Variants in CD109 observed in about 807,000 individuals in gnomAD.
CD109 encodes CD109 antigen.
Under a neutral mutation model 165.8 loss-of-function variants are expected in CD109, and 149 were observed. The ratio of observed to expected loss-of-function variants is 0.90; its 90% CI spans 0.79 to 1.03. CD109 has a LOEUF of 1.03. Among genes scored for constraint, CD109 ranks in the 50% least tolerant of loss-of-function variants. The probability of loss-of-function intolerance (pLI) is 0.00; values close to 1 mark genes in which losing one functional copy is unlikely to be tolerated. For synonymous variants in CD109, 585 were observed against 592.1 expected, an observed-to-expected ratio of 0.99 and a Z score of 0.18; for missense variants, 1,712 against 1,677.8, an observed-to-expected ratio of 1.02 and a Z score of -0.36.
chr6:73,711,010 C>T (rs1771518372), intron 2 of CD109, among the ~76,000 whole-genome samples: 1 of 152,150 alleles, frequency 6.6e-6, no homozygotes, highest in South Asian at 2.1e-4. Context: ...GATATTCCCC[C>T]CAGCTATTTA....
intron 32 of CD109, among the ~76,000 whole-genome samples, chr6:73,821,972 T>C (rs184568562): frequency 3.9e-5 from 6 of 152,360 alleles, no homozygotes; most frequent in African/African-American, 1.2e-4. Flanking sequence ...GCTGTTTCTT[T>C]ATTGAGGGAG....
chr6:73,806,592 G>C (rs1775575375), intron 24 of CD109, among the ~76,000 whole-genome samples: 2 of 152,176 alleles, frequency 1.3e-5, no homozygotes, highest in Non-Finnish European at 2.9e-5. Context: ...TCAAATCTGA[G>C]ATTTTTGAGT....
intron 23 of CD109, among the ~76,000 whole-genome samples, chr6:73,800,732 A>T (rs1485332938): frequency 6.6e-6 from 1 of 152,102 alleles, no homozygotes; most frequent in African/African-American, 2.4e-5. Context: ...TTTGTGACTT[A>T]TCTGTTTTGC....
chr6:73,788,688 T>C (rs1774795232), intron 22 of CD109, 76 bp downstream of exon 22: 2 of 1,330,536 alleles, frequency 1.5e-6, no homozygotes, highest in Admixed American at 2.8e-5. Context: ...ATTATAGATG[T>C]ATTTTCTTAT....
intron 25 of CD109, 137 bp downstream of exon 25, chr6:73,807,209 T>G: frequency 1.5e-6 from 1 of 656,774 alleles, no homozygotes; most frequent in Non-Finnish European, 2.6e-6. Flanking sequence ...AGTACTCTTT[T>G]GCTTTGCATT....
intron 10 of CD109, among the ~76,000 whole-genome samples, chr6:73,764,591 G>T (rs957136802): frequency 1.3e-5 from 2 of 151,882 alleles, no homozygotes; most frequent in African/African-American, 2.4e-5. Context: ...GAGGCAGGCG[G>T]ATCACCTGAG....
chr6:73,727,262 G>A (rs886192320), intron 3 of CD109, among the ~76,000 whole-genome samples: 4 of 151,984 alleles, frequency 2.6e-5, no homozygotes, highest in Non-Finnish European at 5.9e-5. Context: ...CAAGACTCTG[G>A]AGCACCACCC....
rs377534753 is a variant in CD109 at position 73,826,696 on chromosome 6, A to C, written c.*3063A>C. Reference sequence around the variant, plus strand: ...TTTAGTATTTTGGATTATATATTATAATCTGAGGAGTGTTTTGCTTATGTA... The same window carrying C: ...TTTAGTATTTTGGATTATATATTATCATCTGAGGAGTGTTTTGCTTATGTA... On this transcript the variant is annotated 3_prime_UTR_variant, in exon 33 of 33. Coordinates refer to ENST00000287097, the MANE Select transcript of CD109 (RefSeq NM_133493.5). The C allele has an allele frequency of 9.2e-5, 14 of 152,294 alleles. No homozygotes were observed. The highest frequency in any genetic ancestry group is 1.9e-4 in the Non-Finnish European group (13 of 68,012). 9.4% of individuals were successfully genotyped at this position (152,294 alleles called of 1,614,324 possible). A position where few individuals can be genotyped will look rare whatever the true frequency, so the allele number is the denominator to read the frequency against.
rs1001511891 is a variant in CD109 at position 73,806,761 on chromosome 6, A to C, written c.2961-83A>C. ...TGATGAATCTTCTGATGGGGGAAAA[A>C]GTGTTGTTGTTTTGCTTGCTCGGTG... On this transcript the variant is annotated intron_variant, in intron 24 of 32. Coordinates refer to ENST00000287097, the MANE Select transcript of CD109 (RefSeq NM_133493.5). 12 of 884,066 alleles carry C rather than the reference A, an allele frequency of 1.4e-5. No individual in the cohort carries two copies. In the East Asian group the frequency reaches 2.9e-4, roughly 21 times the overall value. The allele number at this position is 884,066 out of a possible 1,614,324, so 54.8% of individuals were successfully genotyped here.
At position 73,768,190 on chromosome 6, in the gene CD109, G is replaced by A; in HGVS notation, c.1633G>A (p.Asp545Asn). 1.9e-6 allele frequency: 3 copies of A among 1,595,568 alleles called. No individual in the cohort carries two copies. The highest frequency in any genetic ancestry group is 2.6e-6 in the Non-Finnish European group (3 of 1,164,062). The change falls in exon 14 of 33, where the codon GAT (aspartate) becomes AAT (asparagine). Residue 545 changes from aspartate to asparagine, a missense_variant. Asp to Asn is a conservative substitution (Grantham distance 23). Coordinates refer to ENST00000287097, the MANE Select transcript of CD109 (RefSeq NM_133493.5). The part of the protein sequence containing the change: ...YIEDDGEIIS[D>N]VLKIPVQLVF... ...TGAAGATGATGGGGAAATTATAAGT[G>A]ATGTTCTAAAAATTCCTGTTCAGCT... is the stretch of plus-strand genomic sequence containing the variant.
intron 2 of CD109, among the ~76,000 whole-genome samples, chr6:73,698,908 T>C (rs762787729): frequency 1.3e-5 from 2 of 152,208 alleles, no homozygotes; most frequent in Non-Finnish European, 2.9e-5. Context: ...GTCTATAAAA[T>C]GGAAATAATG....
At chr6:73,803,048 A>G (rs993771513) in intron 23 of CD109, among the ~76,000 whole-genome samples, 172 bp from the exon 24 acceptor site, 1 of 152,080 alleles carries the variant, frequency 6.6e-6, no homozygotes, top group Non-Finnish European at 1.5e-5. Context: ...AAGTCCTGGC[A>G]TTTTAAATTT....
chr6:73,716,737 A>G (rs1021549732), intron 2 of CD109, among the ~76,000 whole-genome samples: 1 of 152,076 alleles, frequency 6.6e-6, no homozygotes, highest in African/African-American at 2.4e-5. Context: ...TTGTATCTTC[A>G]TTTTGTTGAT....
Position 73,762,442 on chromosome 6 carries a change from T to C in CD109, c.817T>C (p.Phe273Leu). The C allele has an allele frequency of 1.2e-6, 2 of 1,612,056 alleles. No individual in the cohort carries two copies. Among genetic ancestry groups the C allele is most frequent in the Non-Finnish European group, 1.7e-6 (2 of 1,178,416 alleles). Residue 273 changes from phenylalanine to leucine, a missense_variant, in exon 8 of 33, where the codon TTT becomes CTT. Phe to Leu is a conservative substitution (Grantham distance 22). Transcript: ENST00000287097. ...AACGCTTACATTTTTACCTTTATCC[T>C]TTTGGGGAAAGAAGAAAAATATTAC... The part of the protein sequence containing the change: ...DVTLTFLPLS[F>L]WGKKKNITKT...
At chr6:73,814,493 T>A (rs1775863145) in intron 29 of CD109, among the ~76,000 whole-genome samples, 1 of 152,148 alleles carries the variant, frequency 6.6e-6, no homozygotes, top group African/African-American at 2.4e-5. Context: ...ATCATTTATT[T>A]TATCATCTTT....
the CD109 span, among the ~76,000 whole-genome samples, chr6:73,688,761 G>GTTTTTTTTTTTT: frequency 2.4e-4 from 18 of 73,532 alleles, no homozygotes; most frequent in African/African-American, 5.2e-4. Flanking sequence ...GTTTTTCTTT[G>GTTTTTTTTTTTT]TTTTTTTTTT....
chr6:73,683,349 C>G, the CD109 span, among the ~76,000 whole-genome samples: 1 of 152,190 alleles, frequency 6.6e-6, no homozygotes, highest in African/African-American at 2.4e-5. Flanking sequence ...TGCCACCAGT[C>G]TCTTTGCCAA....
chr6:73,790,199 G>A (rs1774871946), intron 22 of CD109, among the ~76,000 whole-genome samples: 1 of 146,856 alleles, frequency 6.8e-6, no homozygotes, highest in Non-Finnish European at 1.5e-5. Context: ...GGTTTAAGCA[G>A]TTCTTATACC....
At chr6:73,733,621 T>A (rs573974255) in intron 4 of CD109, among the ~76,000 whole-genome samples, 1 of 152,304 alleles carries the variant, frequency 6.6e-6, no homozygotes, top group East Asian at 1.9e-4. Context: ...GACCTCTCCA[T>A]CCAGAAGTTG....
Sources: gnomAD v4.1 joint callset for allele counts (sites outside exome capture counted in the v4.1 genomes callset) on GRCh38, gnomAD v4.1.1 for gene constraint, MANE v1.5 for transcripts, NCBI Gene and HGNC (gene_info 2026-07-23, HGNC 2026-07-21) for gene names.